The following DOCK9 variants were observed in gnomAD, a reference collection of about 807,000 sequenced individuals.
DOCK9 encodes dedicator of cytokinesis protein 9.
A neutral mutation model predicts 263.3 loss-of-function variants in DOCK9; 89 were observed. The ratio of observed to expected loss-of-function variants is 0.34; its 90% CI spans 0.28 to 0.40. The LOEUF (loss-of-function observed/expected upper bound fraction) is 0.40. DOCK9 is among the 10% of genes least tolerant of loss of function. The pLI, the probability that DOCK9 is intolerant of heterozygous loss-of-function variation, is 1.00. For synonymous variants in DOCK9, 976 were observed against 973.1 expected (o/e 1.00, Z -0.06); for missense variants, 2,140 against 2,603.4 (o/e 0.82, Z 3.87).
rs1254135030 is a variant in DOCK9 at position 98,845,943 on chromosome 13, G to A, written c.4179C>T (p.Asn1393=). The A allele has an allele frequency of 1.9e-6, 3 of 1,613,582 alleles. No homozygotes were observed. Among genetic ancestry groups the A allele is most frequent in the African/African-American group, 2.7e-5 (2 of 75,056 alleles). ...ARLQQLGSLD[N]SLTFNHSYGH... ...ACTTACTGTGGTTAAAAGTGAGAGA[G>A]TTATCCAGGCTGCCCAGCTGCTGCA... Residue 1393 remains asparagine (N), a synonymous_variant, in exon 38 of 53, where the codon AAC becomes AAT. Coordinates refer to ENST00000682017, the MANE Select transcript of DOCK9 (RefSeq NM_001366683.2).
chr13:98,929,082 T>C (rs887838404), intron 3 of DOCK9, among the ~76,000 whole-genome samples: 6 of 151,986 alleles, frequency 3.9e-5, no homozygotes, highest in Admixed American at 2.6e-4. Context: ...GATCTAAATA[T>C]CAACTAGAAA....
intron 4 of DOCK9, among the ~76,000 whole-genome samples, chr13:98,925,011 A>G (rs2052691711): frequency 6.6e-6 from 1 of 151,956 alleles, no homozygotes. Flanking sequence ...CTAAAAATAC[A>G]AAATTAGCCG....
intron 6 of DOCK9, among the ~76,000 whole-genome samples, chr13:98,921,778 G>A (rs962647965): frequency 1.3e-5 from 2 of 152,160 alleles, no homozygotes; most frequent in African/African-American, 4.8e-5. Context: ...GCACTTTTCA[G>A]TTATTACAGA....
chr13:98,796,481 G>A (rs2089423908), intron 52 of DOCK9, among the ~76,000 whole-genome samples: 1 of 152,162 alleles, frequency 6.6e-6, no homozygotes. Context: ...TGTGGATGCT[G>A]CTCTAGGCAT....
chr13:98,889,648 G>A (rs1290992840), intron 15 of DOCK9, among the ~76,000 whole-genome samples: 3 of 152,184 alleles, frequency 2.0e-5, no homozygotes, highest in Non-Finnish European at 4.4e-5. Context: ...TCATAGCATA[G>A]TGAAATTCAC....
rs73560647 is a variant in DOCK9, at chr13:98,912,349, T to C, written c.960+1979A>G. On this transcript the variant is annotated intron_variant, in intron 9 of 52. Transcript: ENST00000682017. ...AGCCTGAGGGCTGCTTATATCAGTG[T>C]ACAAATGCGAACTCCAGTGAGCTCT... Among the ~76,000 whole-genome samples the C allele has an allele frequency of 3.8e-3, 579 of 152,298 alleles. 1 individual carries two copies. Among genetic ancestry groups the C allele is most frequent in the African/African-American group, 0.013 (538 of 41,572 alleles).
intron 1 of DOCK9, among the ~76,000 whole-genome samples, chr13:99,034,792 A>G (rs1199236515): frequency 6.6e-6 from 1 of 152,222 alleles, no homozygotes; most frequent in Non-Finnish European, 1.5e-5. Context: ...GCGTAATAAT[A>G]AGGAACAGTG....
In DOCK9 at chr13:98,955,472, A is replaced by G; in HGVS notation, c.206T>C (p.Leu69Ser). ...GTAAGGGAAGAGCAGCATCTCCCGTAAACAGTCGTTCAGGATCTGAGTCTT... is the reference window on the plus strand; with the variant it reads ...GTAAGGGAAGAGCAGCATCTCCCGTGAACAGTCGTTCAGGATCTGAGTCTT... The part of the protein sequence containing the change: ...QKKTQILNDC[L>S]REMLLFPYDD... The change falls in exon 2 of 53, where the codon TTA (leucine) becomes TCA (serine). Residue 69 changes from leucine (L) to serine (S), a missense_variant. By Grantham distance (145) the Leu-to-Ser change is moderately radical. Transcript: ENST00000682017. 1 of 1,597,408 alleles carries G rather than the reference A, an allele frequency of 6.3e-7. No individual in the cohort carries two copies. The highest frequency in any genetic ancestry group is 8.5e-7 in the Non-Finnish European group (1 of 1,170,914).
At chr13:98,846,558 T>G (rs773476252) in intron 37 of DOCK9, 1 of 1,351,978 alleles carries the variant, frequency 7.4e-7, no homozygotes, top group South Asian at 1.1e-5. Context: ...TTTGTTAAAC[T>G]TGTCAGCAGT....
In DOCK9 at chr13:98,809,369, C is replaced by T. The variant is rs769527541; in HGVS notation, c.5350G>A (p.Val1784Ile). 1.2e-6 allele frequency: 2 copies of T among 1,613,562 alleles called. No individual in the cohort carries two copies. Among genetic ancestry groups the T allele is most frequent in the South Asian group, 1.1e-5 (1 of 91,052 alleles). ...AGGCTCACCTGCCCGAAGAAGGCTA[C>T]CCGGAAGTAGGTCCCCAGAAGCCTG... Reference protein sequence around the residue: ...GRRLLGTYFRVAFFGQGFFED... With the variant: ...GRRLLGTYFRIAFFGQGFFED... Residue 1784 changes from valine to isoleucine, a missense_variant, in exon 47 of 53, where the codon GTA (valine) becomes ATA (isoleucine). Val to Ile is a conservative substitution (Grantham distance 29). Around this residue, in one of 2 missense-constraint regions of DOCK9, gnomAD observed 619 missense variants for 861.8 expected, o/e 0.72. Coordinates refer to ENST00000682017, the MANE Select transcript of DOCK9 (RefSeq NM_001366683.2).
intron 1 of DOCK9, among the ~76,000 whole-genome samples, chr13:98,956,843 T>A (rs1302515171): frequency 6.6e-6 from 1 of 152,226 alleles, no homozygotes; most frequent in African/African-American, 2.4e-5. Flanking sequence ...ACAATCTCAA[T>A]AAATGCTTTA....
intron 27 of DOCK9, among the ~76,000 whole-genome samples, chr13:98,876,627 C>A (rs1323016544): frequency 6.6e-6 from 1 of 152,158 alleles, no homozygotes; most frequent in Non-Finnish European, 1.5e-5. Context: ...AGAATTAGGA[C>A]ATAAAATTCT....
chr13:98,817,523 G>C (rs1024700868), intron 45 of DOCK9, among the ~76,000 whole-genome samples: 11 of 128,078 alleles, frequency 8.6e-5, no homozygotes, highest in African/African-American at 3.6e-4. Context: ...GAATTCCTGG[G>C]TTCACATGAT....
At chr13:98,992,712 C>T (rs1880099247) in intron 1 of DOCK9, among the ~76,000 whole-genome samples, 1 of 152,214 alleles carries the variant, frequency 6.6e-6, no homozygotes, top group Admixed American at 6.5e-5. Flanking sequence ...GAGGCTTCTC[C>T]AGCCATGTGG....
At chr13:99,086,460 C>A (rs2042346194) in exon 1 of DOCK9, 3 of 659,294 alleles carry the variant, frequency 4.6e-6, no homozygotes, top group Non-Finnish European at 5.6e-6. Flanking sequence ...CCGCTCCCGG[C>A]GCCGCCGCCG....
intron 3 of DOCK9, 41 bp downstream of exon 3, chr13:98,930,127 A>T (rs780574945): frequency 6.4e-7 from 1 of 1,556,530 alleles, no homozygotes; most frequent in Non-Finnish European, 8.7e-7. Context: ...GTTAGGGGAA[A>T]ATGACTTCAA....
chr13:99,027,639 T>C (rs893915598), intron 1 of DOCK9, among the ~76,000 whole-genome samples: 1 of 152,210 alleles, frequency 6.6e-6, no homozygotes, highest in African/African-American at 2.4e-5. Flanking sequence ...TGTGTAAAAA[T>C]ATTTCCAAAA....
chr13:98,990,648 A>C (rs1258137746), intron 1 of DOCK9, among the ~76,000 whole-genome samples: 2 of 152,298 alleles, frequency 1.3e-5, no homozygotes, highest in African/African-American at 4.8e-5. Context: ...CCATGTTTCC[A>C]CTTATCTCAG....
In DOCK9 at chr13:98,978,046, G is replaced by A. The variant is rs1875714695; in HGVS notation, c.-137C>T. On this transcript the variant is annotated 5_prime_UTR_variant, in exon 1 of 53. Transcript: ENST00000682017. ...CCAGGCACAAGTGGTCAGCCCCGCT[G>A]GCTGGGTCTGCAGAGCCTGTGGGGT... 1 of 1,444,478 alleles carries A rather than the reference G, an allele frequency of 6.9e-7. No homozygotes were observed. The highest frequency in any genetic ancestry group is 9.1e-7 in the Non-Finnish European group (1 of 1,103,478). 89.5% of individuals were successfully genotyped at this position (1,444,478 alleles called of 1,614,324 possible).
Sources: allele counts gnomAD v4.1 joint callset (sites outside exome capture counted in the v4.1 genomes callset), GRCh38; gene constraint gnomAD v4.1.1; regional missense constraint gnomAD v4.1.1; transcripts MANE v1.5; gene names NCBI Gene and HGNC (gene_info 2026-07-23, HGNC 2026-07-21).